The following DCAF6 variants were observed in gnomAD, a reference collection of about 807,000 sequenced individuals.
DCAF6 encodes the protein DDB1- and CUL4-associated factor 6.
In DCAF6, 54 loss-of-function variants were observed where a neutral mutation model predicts 125.1. The ratio of observed to expected loss-of-function variants is 0.43; its 90% confidence interval spans 0.35 to 0.54. DCAF6 has a LOEUF of 0.54. Ranked by LOEUF, DCAF6 falls within the 20% of genes least tolerant of loss-of-function variation. The pLI, the probability that DCAF6 is intolerant of heterozygous loss-of-function variation, is 0.01. For missense variants in DCAF6, 934 were observed against 1,161.7 expected, an observed-to-expected ratio of 0.80 and a Z score of 2.85; for synonymous variants, 371 against 390.4, an observed-to-expected ratio of 0.95 and a Z score of 0.58.
At chr1:168,001,422 C>T (rs923058980) in intron 7 of DCAF6, among the ~76,000 whole-genome samples, 10 of 152,258 alleles carry the variant, frequency 6.6e-5, no homozygotes, top group Admixed American at 5.9e-4. Flanking sequence ...TTATTGAACA[C>T]TTTATAATTG....
At chr1:167,948,727 C>T (rs1296666289) in intron 1 of DCAF6, among the ~76,000 whole-genome samples, 1 of 152,166 alleles carries the variant, frequency 6.6e-6, no homozygotes, top group Non-Finnish European at 1.5e-5. Context: ...TCTCAGCTCA[C>T]TGCAGCCTCC....
chr1:168,071,247 A>G (rs1692977681), intron 21 of DCAF6, among the ~76,000 whole-genome samples: 1 of 152,196 alleles, frequency 6.6e-6, no homozygotes, highest in South Asian at 2.1e-4. Flanking sequence ...TGCCATTGTA[A>G]TGCAAAAACA....
chr1:167,910,780 C>T, the DCAF6 span, among the ~76,000 whole-genome samples: 41 of 152,142 alleles, frequency 2.7e-4, 1 homozygote, highest in African/African-American at 9.9e-4. Flanking sequence ...CTGAGCAGGG[C>T]GTAGCTCTAT....
At chr1:168,021,992 C>T (rs1213051819) in intron 11 of DCAF6, among the ~76,000 whole-genome samples, 3 of 151,994 alleles carry the variant, frequency 2.0e-5, no homozygotes, top group Non-Finnish European at 4.4e-5. Flanking sequence ...GGGAGAGTTG[C>T]GCTTATTACC....
chr1:168,066,102 G>A (rs1469300657), intron 19 of DCAF6, among the ~76,000 whole-genome samples: 2 of 152,034 alleles, frequency 1.3e-5, no homozygotes, highest in African/African-American at 4.8e-5. Flanking sequence ...AGCATTGCTC[G>A]TCTTCTTTTT....
rs117560141 is a variant in DCAF6 at position 167,987,252 on chromosome 1, A to T, written c.439-243A>T. ...AGTTTATAACTTCAGATAACTTTTT[A>T]TCTGAAGTTAAGTTAATGCTAATCT... is the stretch of plus-strand genomic sequence containing the variant. On this transcript the variant is annotated intron_variant, in intron 4 of 21. Coordinates refer to ENST00000367840, the MANE Select transcript of DCAF6 (RefSeq NM_001198956.2). Among the ~76,000 whole-genome samples the T allele has an allele frequency of 7.2e-3, 1,104 of 152,334 alleles. 44 individuals are homozygous for T. The highest frequency in any genetic ancestry group is 0.048 in the Admixed American group (739 of 15,304).
intron 10 of DCAF6, 67 bp downstream of exon 10, chr1:168,004,860 T>C: frequency 6.5e-7 from 1 of 1,527,452 alleles, no homozygotes; most frequent in East Asian, 2.3e-5. Flanking sequence ...ACTGGCTATT[T>C]TGAAAGATAC....
At chr1:167,975,059 TA>T (rs1186852573) in intron 4 of DCAF6, 44 bp downstream of exon 4, 6 of 1,323,308 alleles carry the variant, frequency 4.5e-6, no homozygotes, top group Non-Finnish European at 6.1e-6. Context: ...TAAGTATGTA[TA>T]TTTTTGATTA....
intron 7 of DCAF6, among the ~76,000 whole-genome samples, chr1:167,995,454 T>C (rs543782112): frequency 4.4e-4 from 67 of 152,070 alleles, no homozygotes; most frequent in Non-Finnish European, 7.5e-4. Context: ...TCGAGGCGAG[T>C]GGATCACCTG....
At chr1:167,937,749 T>G (rs1671541451) in intron 1 of DCAF6, among the ~76,000 whole-genome samples, 1 of 152,214 alleles carries the variant, frequency 6.6e-6, no homozygotes, top group Non-Finnish European at 1.5e-5. Context: ...GCATAACATT[T>G]TTTTTTTGAG....
At chr1:167,977,643 T>G (rs1678453503) in intron 4 of DCAF6, among the ~76,000 whole-genome samples, 1 of 152,182 alleles carries the variant, frequency 6.6e-6, no homozygotes, top group East Asian at 1.9e-4. Flanking sequence ...TTGAAAAATG[T>G]AAGAAATTTT....
chr1:167,893,386 A>G, the DCAF6 span, among the ~76,000 whole-genome samples: 1 of 152,112 alleles, frequency 6.6e-6, no homozygotes, highest in Non-Finnish European at 1.5e-5. Flanking sequence ...TTGAGATTTG[A>G]ACAATGAATT....
chr1:168,004,554 T>A lies in DCAF6; in HGVS notation c.1139T>A (p.Ile380Asn), dbSNP rs942714576. 9.9e-6 allele frequency: 16 copies of A among 1,612,958 alleles called. No individual in the cohort carries two copies. Among genetic ancestry groups the A allele is most frequent in the Non-Finnish European group, 1.3e-5 (15 of 1,179,360 alleles). ...GAAGGTGGAACAAGTCAATCAGATA[T>A]TTCAACTCTTCCTACGGTCCCATCA... ...RPRGGTSQSD[I>N]STLPTVPSSP... Residue 380 changes from isoleucine (I) to asparagine (N), a missense_variant, in exon 10 of 22, where the codon ATT (isoleucine) becomes AAT (asparagine). By Grantham distance (149) the Ile-to-Asn change is moderately radical. Transcript: ENST00000367840.
chr1:167,961,665 C>A (rs115486373), intron 2 of DCAF6, among the ~76,000 whole-genome samples: 2,302 of 152,248 alleles, frequency 0.015, 55 homozygotes, highest in African/African-American at 0.051. Context: ...TGTCTTACTG[C>A]ATTAGCTAGG....
chr1:167,882,661 T>C, the DCAF6 span, among the ~76,000 whole-genome samples: 1 of 151,970 alleles, frequency 6.6e-6, no homozygotes, highest in South Asian at 2.1e-4. Flanking sequence ...CTGAAACCCC[T>C]GGGTAATACA....
chr1:168,056,899 G>C (rs1048335287), intron 17 of DCAF6, among the ~76,000 whole-genome samples: 1 of 152,116 alleles, frequency 6.6e-6, no homozygotes, highest in African/African-American at 2.4e-5. Flanking sequence ...TTTCCCTTTA[G>C]TTTTTCACTG....
the DCAF6 span, among the ~76,000 whole-genome samples, chr1:167,920,854 C>T: frequency 6.6e-6 from 1 of 152,124 alleles, no homozygotes; most frequent in Non-Finnish European, 1.5e-5. Flanking sequence ...TAAGCAGTCT[C>T]ACATATCTGA....
chr1:167,873,807 T>C, the DCAF6 span, among the ~76,000 whole-genome samples: 2 of 152,192 alleles, frequency 1.3e-5, no homozygotes, highest in African/African-American at 2.4e-5. Context: ...TCTCAAATAG[T>C]ATACAGAAGC....
chr1:167,937,234 G>A, intron 1 of DCAF6: 1 of 594,832 alleles, frequency 1.7e-6, no homozygotes, highest in Admixed American at 3.0e-5. Context: ...TTCTCGGAGG[G>A]CCGGGCCGTG....
Sources: gnomAD v4.1 joint callset for allele counts (sites outside exome capture counted in the v4.1 genomes callset) on GRCh38, gnomAD v4.1.1 for gene constraint, MANE v1.5 for transcripts, NCBI Gene and HGNC (gene_info 2026-07-23, HGNC 2026-07-21) for gene names.